The following GALNT4 variants were observed in gnomAD, a reference collection of about 807,000 sequenced individuals.
GALNT4 encodes the protein polypeptide N-acetylgalactosaminyltransferase 4, also known as UDP-GalNAc:polypeptide N-acetylgalactosaminyltransferase 4.
GALNT4 carries 23 observed loss-of-function variants against 45.1 expected under a neutral mutation model. The observed-to-expected ratio is 0.51, with a 90% CI of 0.37 to 0.72. GALNT4 has a LOEUF of 0.72. Ranked by LOEUF, GALNT4 falls within the 30% of genes least tolerant of loss-of-function variation. GALNT4 has a pLI of 0.00. For missense variants in GALNT4, 757 were observed against 709.0 expected, an observed-to-expected ratio of 1.07 and a Z score of -0.77; for synonymous variants, 264 against 257.6, an observed-to-expected ratio of 1.02 and a Z score of -0.24.
rs1210563930 is a variant in GALNT4, at chr12:89,524,711, G to C, written c.-162C>G. ...CACCCAGGCTTTCCAGGGGTCACCT[G>C]AGCCCTCTCGGTCCTCGGCCTCCGG... On this transcript the variant is annotated 5_prime_UTR_variant, in exon 1 of 1. Transcript: ENST00000529983. 1.4e-6 allele frequency: 1 copy of C among 736,374 alleles called. No homozygotes were observed. Among genetic ancestry groups the C allele is most frequent in the Admixed American group, 2.9e-5 (1 of 34,572 alleles). 45.6% of individuals were successfully genotyped at this position (736,374 alleles called of 1,614,324 possible).
chr12:89,524,376 A>ATCC lies in GALNT4; in HGVS notation c.171_173dup (p.Glu57dup), dbSNP rs781689208. On this transcript the variant is annotated inframe_insertion, in exon 1 of 1. Coordinates refer to ENST00000529983, the MANE Select transcript of GALNT4 (RefSeq NM_003774.5). ...GCTTCTTATAAAGCGGTCGAGACAA[A>ATCC]TCCTCCGTATTTTTCTGGAGGTCTG... The ATCC allele has an allele frequency of 2.3e-5, 37 of 1,613,836 alleles. No individual in the cohort carries two copies. The highest frequency in any genetic ancestry group is 3.0e-5 in the Non-Finnish European group (35 of 1,179,880).
At position 89,523,318 on chromosome 12, in the gene GALNT4, T is replaced by A. The variant is rs954976391; in HGVS notation, c.1232A>T (p.Glu411Val). 2 of 1,613,954 alleles carry A rather than the reference T, an allele frequency of 1.2e-6. No homozygotes were observed. Among genetic ancestry groups the A allele is most frequent in the African/African-American group, 2.7e-5 (2 of 74,936 alleles). ...CAACCGCTCTCGTAGTAATTTTCTT[T>A]CAGAAATATCACCATAAGCTTCTTT... Reference protein sequence around the residue: ...ARKEAYGDISERKLLRERLRC... With the variant: ...ARKEAYGDISVRKLLRERLRC... Residue 411 changes from glutamate to valine, a missense_variant, in exon 1 of 1, where the codon GAA becomes GTA. Coordinates refer to ENST00000529983, the MANE Select transcript of GALNT4 (RefSeq NM_003774.5).
In GALNT4 at chr12:89,524,605, G is replaced by C. The variant is rs1297219268; in HGVS notation, c.-56C>G. ...GCCACCAAGCCACCACGCAGGGGAA[G>C]GGCGGCGGAACCCACAGCTCGAGCT... On this transcript the variant is annotated 5_prime_UTR_variant, in exon 1 of 1. Coordinates refer to ENST00000529983, the MANE Select transcript of GALNT4 (RefSeq NM_003774.5). The C allele has an allele frequency of 3.2e-6, 5 of 1,579,844 alleles. No individual in the cohort carries two copies. In the African/African-American group the frequency reaches 5.4e-5, roughly 17 times the overall value.
In GALNT4 at chr12:89,522,459, C is replaced by T; in HGVS notation, c.*354G>A. 1 of 354,812 alleles carries T rather than the reference C, an allele frequency of 2.8e-6. No homozygotes were observed. Among genetic ancestry groups the T allele is most frequent in the African/African-American group, 2.1e-5 (1 of 48,016 alleles). The allele number at this position is 354,812 out of a possible 1,614,324, so 22.0% of individuals were successfully genotyped here. On this transcript the variant is annotated 3_prime_UTR_variant, in exon 1 of 1. Coordinates refer to ENST00000529983, the MANE Select transcript of GALNT4 (RefSeq NM_003774.5). ...TGGGATGTGCGGTGAACTTACACATCAACATAAATCATACCTCATTTTACT... is the reference window on the plus strand; with the variant it reads ...TGGGATGTGCGGTGAACTTACACATTAACATAAATCATACCTCATTTTACT...
Position 89,522,590 on chromosome 12 carries a change from T to C in GALNT4, c.*223A>G, listed in dbSNP as rs1203125060. ...AGAGACCATATTGACAAAACTCTTA[T>C]ATAAAACAACCAATAAGTAAGGCAT... is the stretch of plus-strand genomic sequence containing the variant. On this transcript the variant is annotated 3_prime_UTR_variant, in exon 1 of 1. Coordinates refer to ENST00000529983, the MANE Select transcript of GALNT4 (RefSeq NM_003774.5). The C allele has an allele frequency of 9.1e-6, 4 of 438,520 alleles. No individual in the cohort carries two copies. Among genetic ancestry groups the C allele is most frequent in the Non-Finnish European group, 1.5e-5 (4 of 260,090 alleles). The allele number at this position is 438,520 out of a possible 1,614,324, so 27.2% of individuals were successfully genotyped here.
At position 89,520,023 on chromosome 12, in the gene GALNT4, T is replaced by G. The variant is rs1005217503; in HGVS notation, c.*2790A>C. On this transcript the variant is annotated 3_prime_UTR_variant, in exon 1 of 1. Coordinates refer to ENST00000529983, the MANE Select transcript of GALNT4 (RefSeq NM_003774.5). Reference sequence around the variant, plus strand: ...ATAAATTCGAATTAGGGAATCGGTTTTTTTAGATGTAGAATTACAGAGTAT... The same window carrying G: ...ATAAATTCGAATTAGGGAATCGGTTGTTTTAGATGTAGAATTACAGAGTAT... 3.3e-5 allele frequency: 5 copies of G among 152,220 alleles called. No homozygotes were observed. The highest frequency in any genetic ancestry group is 7.4e-5 in the Non-Finnish European group (5 of 68,020). 9.4% of individuals were successfully genotyped at this position (152,220 alleles called of 1,614,324 possible).
chr12:89,519,740 A>G lies in GALNT4; in HGVS notation c.*3073T>C, dbSNP rs1184609263. 6.6e-6 allele frequency: 1 copy of G among 152,604 alleles called. No homozygotes were observed. The highest frequency in any genetic ancestry group is 1.5e-5 in the Non-Finnish European group (1 of 68,012). 9.5% of individuals were successfully genotyped at this position (152,604 alleles called of 1,614,324 possible). A position where few individuals can be genotyped will look rare whatever the true frequency, so the allele number is the denominator to read the frequency against. On this transcript the variant is annotated 3_prime_UTR_variant, in exon 1 of 1. Transcript: ENST00000529983. Reference sequence around the variant, plus strand: ...ATATGCAGGAACTTACTAATGGGTAAGTAAACAAATTTTCTTTTACAAACA... The same window carrying G: ...ATATGCAGGAACTTACTAATGGGTAGGTAAACAAATTTTCTTTTACAAACA...
At position 89,520,243 on chromosome 12, in the gene GALNT4, T is replaced by C. The variant is rs1279833175; in HGVS notation, c.*2570A>G. 1 of 152,130 alleles carries C rather than the reference T, an allele frequency of 6.6e-6. No homozygotes were observed. The highest frequency in any genetic ancestry group is 2.4e-5 in the African/African-American group (1 of 41,448). The allele number at this position is 152,130 out of a possible 1,614,324, so 9.4% of individuals were successfully genotyped here. A position where few individuals can be genotyped will look rare whatever the true frequency, so the allele number is the denominator to read the frequency against. On this transcript the variant is annotated 3_prime_UTR_variant, in exon 1 of 1. Transcript: ENST00000529983. ...TTTAGGGCAAAAAGTCAATAAAGAA[T>C]TAAGGTACTTTATTTTTAAAAGCCT...
chr12:89,524,335 C>G lies in GALNT4; in HGVS notation c.215G>C (p.Arg72Pro), dbSNP rs753832081. The change falls in exon 1 of 1, where the codon CGT (arginine) becomes CCT (proline). Residue 72 changes from arginine to proline, a missense_variant. Physicochemically the swap from Arg to Pro is moderately radical, Grantham distance 103. Transcript: ENST00000529983. The part of the protein sequence containing the change: ...PLYKKPPADS[R>P]ALGEWGKASK... Reference sequence around the variant, plus strand: ...GGCTTTCCCCCACTCCCCAAGTGCACGGGAATCTGCAGGGGGCTTCTTATA... The same window carrying G: ...GGCTTTCCCCCACTCCCCAAGTGCAGGGGAATCTGCAGGGGGCTTCTTATA... 6.2e-7 allele frequency: 1 copy of G among 1,613,996 alleles called. No homozygotes were observed. The highest frequency in any genetic ancestry group is 1.1e-5 in the South Asian group (1 of 91,078).
chr12:89,522,821 C>A lies in GALNT4; in HGVS notation c.1729G>T (p.Glu577Ter). Residue 577 changes from glutamate (E) to a stop codon, truncating the protein, a stop_gained, in exon 1 of 1, where the codon GAG becomes TAG. Coordinates refer to ENST00000529983, the MANE Select transcript of GALNT4 (RefSeq NM_003774.5). LOFTEE classifies it high-confidence loss of function. ...ALDKNQIWSFEK is the reference protein window; with the variant it reads ...ALDKNQIWSF Reference sequence around the variant, plus strand: ...GAAAGTGCTGTTGTGCTCTATTTCTCAAAACTCCAAATTTGATTTTTATCT... The same window carrying A: ...GAAAGTGCTGTTGTGCTCTATTTCTAAAAACTCCAAATTTGATTTTTATCT... 1 of 1,579,332 alleles carries A rather than the reference C, an allele frequency of 6.3e-7. No individual in the cohort carries two copies. The highest frequency in any genetic ancestry group is 1.2e-5 in the South Asian group (1 of 84,990).
Position 89,523,017 on chromosome 12 carries a change from A to C in GALNT4, c.1533T>G (p.Asn511Lys). The C allele has an allele frequency of 6.2e-7, 1 of 1,613,774 alleles. No homozygotes were observed. The highest frequency in any genetic ancestry group is 8.5e-7 in the Non-Finnish European group (1 of 1,179,818). Residue 511 changes from asparagine (N) to lysine (K), a missense_variant, in exon 1 of 1, where the codon AAT (asparagine) becomes AAG (lysine). By Grantham distance (94) the Asn-to-Lys change is moderately conservative. Transcript: ENST00000529983. ...TGGGACAATTTTGCATTCCCACATA[A>C]TTTTTTTGCTCAGGTACCTCTGCAC... ...ELCAEVPEQK[N>K]YVGMQNCPKD...
chr12:89,523,664 T>C lies in GALNT4; in HGVS notation c.886A>G (p.Arg296Gly), dbSNP rs372173926. 1.3e-6 allele frequency: 2 copies of C among 1,538,302 alleles called. No homozygotes were observed. Among genetic ancestry groups the C allele is most frequent in the East Asian group, 2.2e-5 (1 of 44,518 alleles). ...ATGGGGTCAATTCTTGATATCCGCCTGTCCCTTTCCTGTTTGGGGACAGAA... is the reference window on the plus strand; with the variant it reads ...ATGGGGTCAATTCTTGATATCCGCCCGTCCCTTTCCTGTTTGGGGACAGAA... Reference protein sequence around the residue: ...WHSVPKQERDRRISRIDPIRS... With the variant: ...WHSVPKQERDGRISRIDPIRS... Residue 296 changes from arginine to glycine, a missense_variant, in exon 1 of 1, where the codon AGG becomes GGG. Coordinates refer to ENST00000529983, the MANE Select transcript of GALNT4 (RefSeq NM_003774.5).
rs1201045892 is a variant in GALNT4 at position 89,522,444 on chromosome 12, G to A, written c.*369C>T. On this transcript the variant is annotated 3_prime_UTR_variant, in exon 1 of 1. Transcript: ENST00000529983. Reference sequence around the variant, plus strand: ...AGTTTTGTTAAAAAGTGGGATGTGCGGTGAACTTACACATCAACATAAATC... The same window carrying A: ...AGTTTTGTTAAAAAGTGGGATGTGCAGTGAACTTACACATCAACATAAATC... 8.3e-6 allele frequency: 3 copies of A among 360,942 alleles called. No homozygotes were observed. Among genetic ancestry groups the A allele is most frequent in the African/African-American group, 2.1e-5 (1 of 48,044 alleles). 22.4% of individuals were successfully genotyped at this position (360,942 alleles called of 1,614,324 possible).
chr12:89,524,153 T>TCCTA lies in GALNT4; in HGVS notation c.393_396dup (p.Thr133Ter). ...ATGATAACAGAGGTGGTAGGAAGTG[T>TCCTA]CCTATAGTTGAACTTCTGGGACTTA... is the stretch of plus-strand genomic sequence containing the variant. On this transcript the variant is annotated stop_gained and frameshift_variant, in exon 1 of 1. Transcript: ENST00000529983. LOFTEE classifies it high-confidence loss of function. 1 of 1,614,028 alleles carries TCCTA rather than the reference T, an allele frequency of 6.2e-7. No homozygotes were observed. The highest frequency in any genetic ancestry group is 1.1e-5 in the South Asian group (1 of 91,088).
At position 89,522,184 on chromosome 12, in the gene GALNT4, T is replaced by C. The variant is rs914530277; in HGVS notation, c.*629A>G. The C allele has an allele frequency of 5.0e-6, 2 of 398,666 alleles. No individual in the cohort carries two copies. The highest frequency in any genetic ancestry group is 4.1e-5 in the African/African-American group (2 of 48,626). 24.7% of individuals were successfully genotyped at this position (398,666 alleles called of 1,614,324 possible). ...GGAATGTAAATATCTCCCCATTTCATTTAAATATGGGTATGTCTGCATGTT... is the reference window on the plus strand; with the variant it reads ...GGAATGTAAATATCTCCCCATTTCACTTAAATATGGGTATGTCTGCATGTT... On this transcript the variant is annotated 3_prime_UTR_variant, in exon 1 of 1. Coordinates refer to ENST00000529983, the MANE Select transcript of GALNT4 (RefSeq NM_003774.5).
At position 89,521,839 on chromosome 12, in the gene GALNT4, C is replaced by T. The variant is rs1870904331; in HGVS notation, c.*974G>A. 2.5e-6 allele frequency: 1 copy of T among 397,350 alleles called. No individual in the cohort carries two copies. The highest frequency in any genetic ancestry group is 3.6e-5 in the East Asian group (1 of 28,026). The allele number at this position is 397,350 out of a possible 1,614,324, so 24.6% of individuals were successfully genotyped here. ...AAGATAAATTCTTAAATTTCCTGAT[C>T]AGCAGAACTCGTAGGAGAGTTCCAC... is the stretch of plus-strand genomic sequence containing the variant. On this transcript the variant is annotated 3_prime_UTR_variant, in exon 1 of 1. Coordinates refer to ENST00000529983, the MANE Select transcript of GALNT4 (RefSeq NM_003774.5).
At position 89,522,055 on chromosome 12, in the gene GALNT4, C is replaced by T. The variant is rs1174946645; in HGVS notation, c.*758G>A. On this transcript the variant is annotated 3_prime_UTR_variant, in exon 1 of 1. Transcript: ENST00000529983. ...GGAAGTGCAATCAGAAAATGCCCTA[C>T]ACACACAAACACGTTCACAGAGAAG... The T allele has an allele frequency of 1.5e-5, 6 of 399,006 alleles. No homozygotes were observed. The highest frequency in any genetic ancestry group is 8.2e-5 in the African/African-American group (4 of 48,746). The allele number at this position is 399,006 out of a possible 1,614,324, so 24.7% of individuals were successfully genotyped here. A position where few individuals can be genotyped will look rare whatever the true frequency, so the allele number is the denominator to read the frequency against.
rs1314776893 is a variant in GALNT4 at position 89,519,649 on chromosome 12, A to C, written c.*3164T>G. On this transcript the variant is annotated 3_prime_UTR_variant, in exon 1 of 1. Coordinates refer to ENST00000529983, the MANE Select transcript of GALNT4 (RefSeq NM_003774.5). Reference sequence around the variant, plus strand: ...TAAAATTGAGACCCTAAACCAACTAAGACTATACAACTTAAAAATAAGCTG... The same window carrying C: ...TAAAATTGAGACCCTAAACCAACTACGACTATACAACTTAAAAATAAGCTG... The C allele has an allele frequency of 6.6e-6, 1 of 152,620 alleles. No homozygotes were observed. Among genetic ancestry groups the C allele is most frequent in the Non-Finnish European group, 1.5e-5 (1 of 68,026 alleles). The allele number at this position is 152,620 out of a possible 1,614,324, so 9.5% of individuals were successfully genotyped here.
rs1871020885 is a variant in GALNT4, at chr12:89,522,981, G to A, written c.1569C>T (p.Phe523=). The change falls in exon 1 of 1, where the codon TTC becomes TTT. Residue 523 remains phenylalanine, a synonymous_variant. Coordinates refer to ENST00000529983, the MANE Select transcript of GALNT4 (RefSeq NM_003774.5). Reference sequence around the variant, plus strand: ...GCCAAATAATGTTTGCTGGTACAGGGAACCCATCTTTGGGACAATTTTGCA... The same window carrying A: ...GCCAAATAATGTTTGCTGGTACAGGAAACCCATCTTTGGGACAATTTTGCA... The part of the protein sequence containing the change: ...VGMQNCPKDG[F]PVPANIIWHF... The A allele has an allele frequency of 6.2e-7, 1 of 1,613,856 alleles. No homozygotes were observed. The highest frequency in any genetic ancestry group is 1.1e-5 in the South Asian group (1 of 91,070).
Sources: allele counts gnomAD v4.1 joint callset, GRCh38; gene constraint gnomAD v4.1.1; transcripts MANE v1.5; gene names NCBI Gene and HGNC (gene_info 2026-07-23, HGNC 2026-07-21).